The following ANGPT1 variants were observed in gnomAD, a reference collection of about 807,000 sequenced individuals.
The protein encoded by ANGPT1 is angiopoietin 1.
Under a neutral mutation model 62.2 loss-of-function variants are expected in ANGPT1, and 17 were observed. That is an observed-to-expected ratio of 0.27 (90% CI 0.19 to 0.41). The LOEUF (loss-of-function observed/expected upper bound fraction) is 0.41, where lower values mean the gene tolerates loss of function less well. Ranked by LOEUF, ANGPT1 falls within the 10% of genes least tolerant of loss-of-function variation. The pLI is 1.00. For missense variants in ANGPT1, 478 were observed against 594.9 expected (o/e 0.80, Z 2.04); for synonymous variants, 199 against 198.9 (o/e 1.00, Z 0.00).
At chr8:107,254,204 T>C (rs1813307493) in intron 8 of ANGPT1, among the ~76,000 whole-genome samples, 1 of 152,138 alleles carries the variant, frequency 6.6e-6, no homozygotes, top group Non-Finnish European at 1.5e-5. Context: ...TTTAGCTTAC[T>C]AAAATGCTGT....
At chr8:107,453,719 C>T (rs1218418865) in intron 1 of ANGPT1, among the ~76,000 whole-genome samples, 1 of 151,918 alleles carries the variant, frequency 6.6e-6, no homozygotes, top group Non-Finnish European at 1.5e-5. Flanking sequence ...TGATGTTTGG[C>T]TATTTATCAT....
At chr8:107,317,337 C>G (rs534899430) in intron 4 of ANGPT1, among the ~76,000 whole-genome samples, 1 of 151,962 alleles carries the variant, frequency 6.6e-6, no homozygotes, top group East Asian at 1.9e-4. Flanking sequence ...CAGAACAGAA[C>G]AGTTGCTGCA....
intron 1 of ANGPT1, among the ~76,000 whole-genome samples, chr8:107,466,875 G>A (rs749464676): frequency 4.6e-5 from 7 of 151,968 alleles, no homozygotes; most frequent in Non-Finnish European, 7.4e-5. Flanking sequence ...CTATGCCATT[G>A]CACTCCAGCC....
intron 1 of ANGPT1, among the ~76,000 whole-genome samples, chr8:107,467,460 C>G (rs1306123298): frequency 1.3e-5 from 2 of 151,666 alleles, no homozygotes; most frequent in African/African-American, 4.8e-5. Context: ...TAAAACAAAA[C>G]AAAAGAGTAT....
At chr8:107,336,845 T>C (rs1265472620) in intron 2 of ANGPT1, among the ~76,000 whole-genome samples, 2 of 152,152 alleles carry the variant, frequency 1.3e-5, no homozygotes, top group Admixed American at 6.5e-5. Flanking sequence ...AGTTGCTTCA[T>C]ATATTTTATC....
At chr8:107,495,738 T>C (rs1563649045) in intron 1 of ANGPT1, among the ~76,000 whole-genome samples, 2 of 152,192 alleles carry the variant, frequency 1.3e-5, no homozygotes, top group African/African-American at 4.8e-5. Context: ...TTGTTTACAA[T>C]GGAAATAAAT....
intron 2 of ANGPT1, among the ~76,000 whole-genome samples, chr8:107,341,346 T>C (rs1340686167): frequency 6.6e-6 from 1 of 151,932 alleles, no homozygotes; most frequent in Non-Finnish European, 1.5e-5. Flanking sequence ...GAACGTGAAA[T>C]GATTGACAAA....
intron 1 of ANGPT1, among the ~76,000 whole-genome samples, chr8:107,470,321 A>G (rs960637540): frequency 2.0e-5 from 3 of 152,090 alleles, no homozygotes; most frequent in African/African-American, 7.2e-5. Context: ...AGGGCTTGAA[A>G]CAAAGACATT....
At chr8:107,358,376 AT>A (rs5893848) in intron 1 of ANGPT1, among the ~76,000 whole-genome samples, 74,210 of 149,832 alleles carry the variant, frequency 0.5, 18,526 homozygotes, top group East Asian at 0.65. Flanking sequence ...TAAAATCCCT[AT>A]TTTTTTTTTT....
intron 1 of ANGPT1, among the ~76,000 whole-genome samples, chr8:107,408,070 T>C (rs1817186184): frequency 1.5e-5 from 2 of 136,034 alleles, no homozygotes; most frequent in South Asian, 4.5e-4. Flanking sequence ...GAAATGCTAT[T>C]TTCTTACAAA....
At chr8:107,379,106 G>A (rs1816586890) in intron 1 of ANGPT1, among the ~76,000 whole-genome samples, 1 of 151,988 alleles carries the variant, frequency 6.6e-6, no homozygotes, top group African/African-American at 2.4e-5. Context: ...ATGAGGGATG[G>A]GAGTCATCCA....
chr8:107,408,273 A>G (rs1432640259), intron 1 of ANGPT1, among the ~76,000 whole-genome samples: 1 of 152,182 alleles, frequency 6.6e-6, no homozygotes, highest in African/African-American at 2.4e-5. Flanking sequence ...GTTTGTGTAC[A>G]TGGGATATTT....
intron 7 of ANGPT1, among the ~76,000 whole-genome samples, chr8:107,267,283 T>TC (rs1346491866): frequency 1.2e-4 from 19 of 152,124 alleles, no homozygotes; most frequent in African/African-American, 4.3e-4. Flanking sequence ...TACATTTTTT[T>TC]CTCTAAAATC....
chr8:107,443,949 T>G (rs1811545791), intron 1 of ANGPT1, among the ~76,000 whole-genome samples: 1 of 152,110 alleles, frequency 6.6e-6, no homozygotes, highest in African/African-American at 2.4e-5. Flanking sequence ...GTTAATGTCT[T>G]CTCTCAGATT....
chr8:107,339,301 T>G (rs1310272960), intron 2 of ANGPT1, among the ~76,000 whole-genome samples: 1 of 152,186 alleles, frequency 6.6e-6, no homozygotes, highest in Admixed American at 6.5e-5. Flanking sequence ...TAGAATGAAT[T>G]CCAAAGCCCT....
intron 1 of ANGPT1, among the ~76,000 whole-genome samples, chr8:107,449,593 C>T (rs546681614): frequency 2.6e-5 from 4 of 152,142 alleles, no homozygotes; most frequent in Non-Finnish European, 5.9e-5. Context: ...TTCTCTGTTA[C>T]ATAATATAAA....
At chr8:107,468,482 T>C (rs1812263272) in intron 1 of ANGPT1, among the ~76,000 whole-genome samples, 1 of 152,118 alleles carries the variant, frequency 6.6e-6, no homozygotes, top group South Asian at 2.1e-4. Flanking sequence ...ACTTCTGTGA[T>C]TGGTTACATT....
chr8:107,475,379 C>G (rs1812490393), intron 1 of ANGPT1, among the ~76,000 whole-genome samples: 1 of 152,086 alleles, frequency 6.6e-6, no homozygotes, highest in African/African-American at 2.4e-5. Flanking sequence ...AACTGGCTAG[C>G]CATATGTAGA....
chr8:107,275,542 AACTG>A (rs1342180773), intron 7 of ANGPT1, among the ~76,000 whole-genome samples: 1 of 152,280 alleles, frequency 6.6e-6, no homozygotes, highest in Non-Finnish European at 1.5e-5. Flanking sequence ...ATTGTAAGTG[AACTG>A]ACTGTGTTCG....
Sources: allele counts gnomAD v4.1 joint callset (sites outside exome capture counted in the v4.1 genomes callset), GRCh38; gene constraint gnomAD v4.1.1; transcripts MANE v1.5; gene names NCBI Gene and HGNC (gene_info 2026-07-23, HGNC 2026-07-21).